The following H2AC25 variants were observed in gnomAD, a reference collection of about 807,000 sequenced individuals.
H2AC25 encodes the protein H2A clustered histone 25.
chr1:228,457,832 A>G, the H2AC25 span: 5 of 1,583,142 alleles, frequency 3.2e-6, no homozygotes, highest in Non-Finnish European at 4.3e-6. Context: ...GAGTCAAGGA[A>G]AAAAGACAAC....
the H2AC25 span, chr1:228,457,807 C>A: frequency 6.3e-7 from 1 of 1,597,730 alleles, no homozygotes; most frequent in Non-Finnish European, 8.5e-7. Flanking sequence ...CTGCTTACCA[C>A]GACCGGACAT....
chr1:228,457,851 A>C, the H2AC25 span: 1 of 1,574,156 alleles, frequency 6.4e-7, no homozygotes. Flanking sequence ...ACGGCAACCG[A>C]AAAGCGAGAC....
At chr1:228,457,854 A>G in the H2AC25 span, 15 of 1,572,250 alleles carry the variant, frequency 9.5e-6, no homozygotes, top group South Asian at 1.7e-4. Flanking sequence ...GCAACCGAAA[A>G]GCGAGACTAA....
the H2AC25 span, chr1:228,457,695 C>G: frequency 2.5e-6 from 4 of 1,613,476 alleles, no homozygotes; most frequent in Non-Finnish European, 3.4e-6. Context: ...CCACGCGCTC[C>G]GAATAGTTGC....
At chr1:228,457,806 A>G in the H2AC25 span, 3 of 1,597,766 alleles carry the variant, frequency 1.9e-6, no homozygotes, top group African/African-American at 4.1e-5. Flanking sequence ...CCTGCTTACC[A>G]CGACCGGACA....
At chr1:228,457,368 T>C in the H2AC25 span, 2 of 1,594,804 alleles carry the variant, frequency 1.3e-6, no homozygotes, top group Non-Finnish European at 1.7e-6. Flanking sequence ...AGATAGTAGG[T>C]GGCTCTGAAA....
chr1:228,457,825 T>C, the H2AC25 span: 2 of 1,584,196 alleles, frequency 1.3e-6, no homozygotes, highest in South Asian at 1.1e-5. Flanking sequence ...CATTTCCGAG[T>C]CAAGGAAAAA....
the H2AC25 span, chr1:228,457,795 C>T: frequency 6.9e-6 from 11 of 1,605,122 alleles, no homozygotes; most frequent in African/African-American, 1.5e-4. Flanking sequence ...CGCCTTGCCA[C>T]CCTGCTTACC....
At chr1:228,457,570 T>C in the H2AC25 span, 1 of 1,614,028 alleles carries the variant, frequency 6.2e-7, no homozygotes, top group South Asian at 1.1e-5. Flanking sequence ...CAGCTGCAGG[T>C]GGCGCGGGAT....
the H2AC25 span, chr1:228,457,683 G>A: frequency 2.1e-4 from 341 of 1,613,528 alleles, 3 homozygotes; most frequent in East Asian, 6.6e-3. Context: ...GGGCGCCGGC[G>A]CCCACGCGCT....
chr1:228,457,380 G>C, the H2AC25 span: 21 of 1,607,234 alleles, frequency 1.3e-5, 1 homozygote, highest in South Asian at 2.3e-4. Flanking sequence ...GCTCTGAAAA[G>C]AGCCTTTATG....
At chr1:228,457,828 AG>A in the H2AC25 span, 1 of 1,584,368 alleles carries the variant, frequency 6.3e-7, no homozygotes, top group Non-Finnish European at 8.6e-7. Context: ...TTCCGAGTCA[AG>A]GAAAAAAGAC....
chr1:228,457,644 G>A, the H2AC25 span: 1 of 1,613,956 alleles, frequency 6.2e-7, no homozygotes, highest in Non-Finnish European at 8.5e-7. Flanking sequence ...CGGCAGTCAA[G>A]TACTCGAGCA....
At chr1:228,457,819 T>C in the H2AC25 span, 3 of 1,588,624 alleles carry the variant, frequency 1.9e-6, no homozygotes, top group East Asian at 2.2e-5. Context: ...ACCGGACATT[T>C]CCGAGTCAAG....
At chr1:228,457,703 T>C in the H2AC25 span, 1 of 1,613,180 alleles carries the variant, frequency 6.2e-7, no homozygotes, top group Non-Finnish European at 8.5e-7. Context: ...TCCGAATAGT[T>C]GCCCTTGCGG....
chr1:228,457,708 T>C, the H2AC25 span: 2 of 1,613,052 alleles, frequency 1.2e-6, no homozygotes, highest in Non-Finnish European at 1.7e-6. Context: ...ATAGTTGCCC[T>C]TGCGGAGCAA....
chr1:228,457,865 A>G, the H2AC25 span: 3 of 1,565,750 alleles, frequency 1.9e-6, no homozygotes, highest in Non-Finnish European at 2.6e-6. Context: ...GCGAGACTAA[A>G]AACAAGAGGG....
the H2AC25 span, chr1:228,457,863 A>AT: frequency 6.4e-7 from 1 of 1,567,468 alleles, no homozygotes; most frequent in Non-Finnish European, 8.6e-7. Flanking sequence ...AAGCGAGACT[A>AT]AAAACAAGAG....
the H2AC25 span, chr1:228,457,762 G>A: frequency 4.1e-5 from 66 of 1,610,844 alleles, no homozygotes; most frequent in Non-Finnish European, 5.0e-5. Flanking sequence ...CGCGCGCGAC[G>A]AGCGCGACTT....
Sources: gnomAD v4.1 joint callset for allele counts on GRCh38, gnomAD v4.1.1 for gene constraint, MANE v1.5 for transcripts, NCBI Gene and HGNC (gene_info 2026-07-23, HGNC 2026-07-21) for gene names.